Variants in OPHN1 observed in about 807,000 individuals in gnomAD.
OPHN1 encodes the protein oligophrenin-1.
OPHN1 carries 11 observed loss-of-function variants against 60.7 expected under a neutral mutation model. The ratio of observed to expected loss-of-function variants is 0.18; its 90% CI spans 0.11 to 0.30. The LOEUF (loss-of-function observed/expected upper bound fraction) is 0.30. OPHN1 is among the 10% of genes least tolerant of loss of function. OPHN1 has a pLI of 1.00. For synonymous variants in OPHN1, 226 were observed against 222.6 expected, an observed-to-expected ratio of 1.02 and a Z score of -0.14; for missense variants, 449 against 611.0, an observed-to-expected ratio of 0.73 and a Z score of 2.80.
chrX:68,388,228 G>A (rs1283975200), intron 2 of OPHN1, among the ~76,000 whole-genome samples: 1 of 105,820 alleles, frequency 9.5e-6, no homozygotes, highest in Middle Eastern at 4.3e-3. Flanking sequence ...GGGAGGCCAA[G>A]GTGGGTGGAT....
intron 2 of OPHN1, among the ~76,000 whole-genome samples, chrX:68,333,111 T>C (rs1417676772): frequency 1.8e-5 from 2 of 109,979 alleles, no homozygotes; most frequent in African/African-American, 3.3e-5. Flanking sequence ...ATAAAATGCA[T>C]GCAAAAATAA....
At chrX:68,053,510 T>G in intron 22 of OPHN1, 135 bp downstream of exon 22, 28 of 643,649 alleles carry the variant, frequency 4.4e-5, no homozygotes, top group Non-Finnish European at 6.6e-5. Context: ...GGCTGGCCTA[T>G]GATATTTCCC....
intron 16 of OPHN1, among the ~76,000 whole-genome samples, chrX:68,116,464 C>T (rs1357744332): frequency 9.0e-6 from 1 of 111,398 alleles, no homozygotes; most frequent in Non-Finnish European, 1.9e-5. Flanking sequence ...CTCCCCAGAC[C>T]CCTTAGAAAG....
intron 21 of OPHN1, among the ~76,000 whole-genome samples, chrX:68,054,922 A>C (rs1189382163): frequency 8.9e-6 from 1 of 112,304 alleles, no homozygotes; most frequent in Non-Finnish European, 1.9e-5. Flanking sequence ...AAAACATACT[A>C]AATTGAATCT....
chrX:68,088,961 G>C (rs1019527474), intron 19 of OPHN1, among the ~76,000 whole-genome samples: 1 of 111,013 alleles, frequency 9.0e-6, no homozygotes, highest in African/African-American at 3.3e-5. Flanking sequence ...AGGTAGCCTG[G>C]ACATTTTCAG....
intron 19 of OPHN1, among the ~76,000 whole-genome samples, chrX:68,090,273 T>G (rs1313324048): frequency 4.5e-5 from 5 of 109,934 alleles, no homozygotes; most frequent in African/African-American, 1.3e-4. Flanking sequence ...TGTGTGTGTG[T>G]GTAGGTAGGT....
intron 15 of OPHN1, among the ~76,000 whole-genome samples, chrX:68,192,472 CA>C (rs11288704): frequency 0.11 from 10,284 of 89,630 alleles, 1,514 homozygotes; most frequent in African/African-American, 0.4. Flanking sequence ...GACCCTGTCT[CA>C]AAAAAAAAAA....
chrX:68,392,689 C>T (rs771604921), intron 2 of OPHN1, among the ~76,000 whole-genome samples: 21 of 109,082 alleles, frequency 1.9e-4, no homozygotes, highest in South Asian at 1.2e-3. Flanking sequence ...CAGAAGCAGA[C>T]GAGGAGACAA....
intron 6 of OPHN1, among the ~76,000 whole-genome samples, chrX:68,218,582 C>T (rs1211737029): frequency 5.3e-4 from 59 of 110,496 alleles, no homozygotes; most frequent in African/African-American, 1.6e-3. Flanking sequence ...GCGGATCTTT[C>T]GGCAGAAACC....
At chrX:68,148,369 T>C (rs1444128552) in intron 15 of OPHN1, among the ~76,000 whole-genome samples, 2 of 110,927 alleles carry the variant, frequency 1.8e-5, no homozygotes, top group African/African-American at 6.6e-5. Flanking sequence ...ATTGGAATTT[T>C]TCTTTTCCAG....
At chrX:68,217,802 A>C (rs958808053) in intron 6 of OPHN1, among the ~76,000 whole-genome samples, 6 of 97,883 alleles carry the variant, frequency 6.1e-5, no homozygotes, top group African/African-American at 1.7e-4. Context: ...CAAACACCAA[A>C]AGTAGATAAA....
At chrX:68,117,533 A>G (rs2077132343) in intron 16 of OPHN1, among the ~76,000 whole-genome samples, 1 of 112,158 alleles carries the variant, frequency 8.9e-6, no homozygotes, top group African/African-American at 3.2e-5. Flanking sequence ...AGCAGTCAAG[A>G]TATTTTTACT....
At chrX:68,193,811 G>A (rs1038631120) in intron 14 of OPHN1, 79 bp downstream of exon 14, 18 of 842,349 alleles carry the variant, frequency 2.1e-5, no homozygotes, top group Non-Finnish European at 3.0e-5. Context: ...TTCCTAAAAC[G>A]CTACTTCAGA....
At chrX:68,260,390 T>C (rs757112209) in intron 5 of OPHN1, among the ~76,000 whole-genome samples, 1 of 111,054 alleles carries the variant, frequency 9.0e-6, no homozygotes, top group East Asian at 2.8e-4. Flanking sequence ...CCACAATGTA[T>C]ATATCCATTG....
chrX:68,094,824 T>C (rs1422834024), intron 19 of OPHN1, among the ~76,000 whole-genome samples: 4 of 111,323 alleles, frequency 3.6e-5, no homozygotes, highest in African/African-American at 1.3e-4. Flanking sequence ...CTGGCCTCCT[T>C]GTTGTACCGT....
intron 2 of OPHN1, among the ~76,000 whole-genome samples, chrX:68,308,948 T>C (rs1173581452): frequency 9.2e-6 from 1 of 109,065 alleles, no homozygotes; most frequent in Non-Finnish European, 1.9e-5. Flanking sequence ...CCTGGCTATT[T>C]ATTTTTTTAT....
chrX:68,235,031 C>T (rs1415384302), intron 5 of OPHN1, among the ~76,000 whole-genome samples: 1 of 111,955 alleles, frequency 8.9e-6, no homozygotes, highest in Non-Finnish European at 1.9e-5. Flanking sequence ...ATAAGTAAAA[C>T]ATTTCCAAAG....
intron 2 of OPHN1, among the ~76,000 whole-genome samples, chrX:68,323,856 A>C (rs1163541208): frequency 8.9e-6 from 1 of 112,277 alleles, no homozygotes; most frequent in African/African-American, 3.2e-5. Flanking sequence ...GTAATTTATC[A>C]TACATACAGA....
chrX:68,286,624 C>T (rs2078042380), intron 3 of OPHN1, among the ~76,000 whole-genome samples: 1 of 111,851 alleles, frequency 8.9e-6, no homozygotes, highest in African/African-American at 3.2e-5. Flanking sequence ...TCCATTTTGT[C>T]CTGTTTGGTT....
Sources: allele counts gnomAD v4.1 joint callset (sites outside exome capture counted in the v4.1 genomes callset), GRCh38; gene constraint gnomAD v4.1.1; transcripts MANE v1.5; gene names NCBI Gene and HGNC (gene_info 2026-07-23, HGNC 2026-07-21).